The following IQSEC1 variants were observed in gnomAD, a reference collection of about 807,000 sequenced individuals.
The protein encoded by IQSEC1 is IQ motif and Sec7 domain ArfGEF 1.
A neutral mutation model predicts 91.0 loss-of-function variants in IQSEC1; 31 were observed. That is an observed-to-expected ratio of 0.34 (90% CI 0.26 to 0.46). The LOEUF (loss-of-function observed/expected upper bound fraction) is 0.46. IQSEC1 is among the 20% of genes least tolerant of loss of function. The probability of loss-of-function intolerance (pLI) is 1.00; values close to 1 mark genes in which losing one functional copy is unlikely to be tolerated. For missense variants in IQSEC1, 1,388 were observed against 1,575.6 expected (o/e 0.88, Z 2.02); for synonymous variants, 699 against 662.6 (o/e 1.05, Z -0.84).
chr3:13,277,051 C>G (rs1328102051), intron 1 of IQSEC1, among the ~76,000 whole-genome samples: 1 of 143,054 alleles, frequency 7.0e-6, no homozygotes, highest in East Asian at 2.1e-4. Flanking sequence ...CGGCTGACAC[C>G]CTGACAAGCT....
chr3:12,908,272 C>G lies in IQSEC1; in HGVS notation c.2755+77G>C. ...GCCGCAGGCCCTGCCCCGCGTGATG[C>G]ATGCCCTGAATGCAGACGCCCTGCC... On this transcript the variant is annotated intron_variant, in intron 12 of 13. Coordinates refer to ENST00000613206, the MANE Select transcript of IQSEC1 (RefSeq NM_001134382.3). The surrounding 1 kb of genome is among the most constrained non-coding windows in gnomAD (Gnocchi z 4.9). 6.7e-7 allele frequency: 1 copy of G among 1,494,646 alleles called. No homozygotes were observed. Among genetic ancestry groups the G allele is most frequent in the Non-Finnish European group, 9.2e-7 (1 of 1,092,306 alleles). The allele number at this position is 1,494,646 out of a possible 1,614,324, so 92.6% of individuals were successfully genotyped here.
intron 2 of IQSEC1, among the ~76,000 whole-genome samples, chr3:13,129,450 C>A (rs996001498): frequency 1.3e-5 from 2 of 152,058 alleles, no homozygotes; most frequent in Non-Finnish European, 2.9e-5. Context: ...CATTGATCGT[C>A]GGTATGGTTT....
intron 1 of IQSEC1, among the ~76,000 whole-genome samples, chr3:13,221,963 A>T (rs1476443897): frequency 1.3e-5 from 2 of 152,212 alleles, no homozygotes; most frequent in East Asian, 3.8e-4. Context: ...AGGGAGGAGA[A>T]ACACCCCAGC....
intron 1 of IQSEC1, among the ~76,000 whole-genome samples, chr3:13,003,482 G>T (rs1412992256): frequency 1.3e-5 from 2 of 152,098 alleles, no homozygotes; most frequent in Non-Finnish European, 2.9e-5. Context: ...ATGGCACAAG[G>T]GACTGAGGGA....
At chr3:13,010,112 G>C (rs1397265543) in intron 1 of IQSEC1, among the ~76,000 whole-genome samples, 3 of 152,232 alleles carry the variant, frequency 2.0e-5, no homozygotes, top group Non-Finnish European at 4.4e-5. Context: ...TGACCCGAAG[G>C]GATGATGCAT....
chr3:13,075,452 C>T (rs995935226), upstream of IQSEC1, among the ~76,000 whole-genome samples: 1 of 152,212 alleles, frequency 6.6e-6, no homozygotes, highest in Non-Finnish European at 1.5e-5. Flanking sequence ...CTTCCATCTT[C>T]CAGAGGCGGA....
chr3:13,236,911 C>A (rs1325092091), intron 1 of IQSEC1, among the ~76,000 whole-genome samples: 1 of 151,962 alleles, frequency 6.6e-6, no homozygotes, highest in Non-Finnish European at 1.5e-5. Flanking sequence ...CCCCCTCCAG[C>A]CAGGTTTTGA....
intron 1 of IQSEC1, among the ~76,000 whole-genome samples, chr3:13,173,251 T>C (rs1471286721): frequency 6.6e-6 from 1 of 152,222 alleles, no homozygotes; most frequent in Non-Finnish European, 1.5e-5. Context: ...ATGTTTAATG[T>C]GCCAGGCCAT....
intron 1 of IQSEC1, among the ~76,000 whole-genome samples, chr3:12,996,924 A>G (rs1379258222): frequency 5.9e-5 from 9 of 152,258 alleles, no homozygotes. Context: ...GGAAGAAATG[A>G]GCACTCTCAA....
intron 1 of IQSEC1, among the ~76,000 whole-genome samples, chr3:13,025,675 C>G (rs1277095408): frequency 6.6e-6 from 1 of 152,198 alleles, no homozygotes. Context: ...AAGGGGCAAG[C>G]CACTGTTCCA....
chr3:12,928,553 AC>A (rs1397042032), intron 3 of IQSEC1, among the ~76,000 whole-genome samples: 7 of 152,180 alleles, frequency 4.6e-5, no homozygotes, highest in Non-Finnish European at 8.8e-5. Context: ...CGGCCAGGGC[AC>A]TGGGCATTTA....
chr3:13,049,724 T>C (rs905533996), intron 1 of IQSEC1, among the ~76,000 whole-genome samples: 1 of 152,124 alleles, frequency 6.6e-6, no homozygotes, highest in African/African-American at 2.4e-5. Context: ...TCTTCTCCTC[T>C]CTCTCACTTT....
chr3:13,066,939 G>C (rs1449563814), intron 1 of IQSEC1, among the ~76,000 whole-genome samples: 2 of 152,240 alleles, frequency 1.3e-5, no homozygotes, highest in Non-Finnish European at 2.9e-5. Context: ...ATGTGAATGA[G>C]CCAGCATGCC....
chr3:13,209,693 A>G (rs1235300350), intron 1 of IQSEC1, among the ~76,000 whole-genome samples: 1 of 152,174 alleles, frequency 6.6e-6, no homozygotes, highest in African/African-American at 2.4e-5. Context: ...CCAGCTGCCT[A>G]TGCTGGGGGG....
intron 1 of IQSEC1, among the ~76,000 whole-genome samples, chr3:12,946,449 G>A (rs1247289543): frequency 3.3e-5 from 5 of 152,212 alleles, no homozygotes; most frequent in African/African-American, 7.2e-5. Context: ...TCCTATGAGC[G>A]TTAGGTGGCT....
intron 1 of IQSEC1, among the ~76,000 whole-genome samples, chr3:13,050,913 A>AT (rs1349279255): frequency 6.6e-6 from 1 of 152,212 alleles, no homozygotes; most frequent in Admixed American, 6.5e-5. Context: ...ATGCACACAT[A>AT]TTTTTTAACA....
intron 2 of IQSEC1, among the ~76,000 whole-genome samples, chr3:13,095,040 C>T (rs1372262487): frequency 6.6e-6 from 1 of 152,036 alleles, no homozygotes; most frequent in Non-Finnish European, 1.5e-5. Context: ...AACGCTATTG[C>T]ACCGAGAGCC....
At chr3:12,920,897 G>A (rs946891060) in intron 5 of IQSEC1, among the ~76,000 whole-genome samples, 1 of 152,208 alleles carries the variant, frequency 6.6e-6, no homozygotes. Flanking sequence ...GAACACATGT[G>A]ATGTGAGTGC....
intron 1 of IQSEC1, among the ~76,000 whole-genome samples, chr3:13,279,064 C>T (rs796845509): frequency 1.1e-4 from 17 of 152,278 alleles, no homozygotes; most frequent in African/African-American, 3.9e-4. Context: ...ACAGGAAGCC[C>T]CCGGTGGATG....
Sources: gnomAD v4.1 joint callset for allele counts (sites outside exome capture counted in the v4.1 genomes callset) on GRCh38, gnomAD v4.1.1 for gene constraint, Gnocchi (gnomAD v3.1) non-coding constraint, MANE v1.5 for transcripts, NCBI Gene and HGNC (gene_info 2026-07-23, HGNC 2026-07-21) for gene names.